The following MAMLD1 variants were observed in gnomAD, a reference collection of about 807,000 sequenced individuals.
MAMLD1 encodes the protein mastermind-like domain-containing protein 1.
MAMLD1 carries 14 observed loss-of-function variants against 45.0 expected under a neutral mutation model. That is an observed-to-expected ratio of 0.31 (90% CI 0.21 to 0.49). The LOEUF is 0.49. Among genes scored for constraint, MAMLD1 ranks in the 20% least tolerant of loss-of-function variants. The probability of loss-of-function intolerance (pLI) is 0.99; values close to 1 mark genes in which losing one functional copy is unlikely to be tolerated. For synonymous variants in MAMLD1, 254 were observed against 247.8 expected (o/e 1.02, Z -0.24); for missense variants, 543 against 603.6 (o/e 0.90, Z 1.05).
At chrX:150,494,890 A>AATAC (rs1557408174) in intron 5 of MAMLD1, among the ~76,000 whole-genome samples, 2 of 103,064 alleles carry the variant, frequency 1.9e-5, no homozygotes, top group Non-Finnish European at 4.0e-5. Context: ...GCCTCAATAC[A>AATAC]AAACAAACAA....
At chrX:150,504,485 G>T in intron 6 of MAMLD1, 1 of 676,467 alleles carries the variant, frequency 1.5e-6, no homozygotes, top group African/African-American at 2.4e-5. Context: ...TCCTTTCAAG[G>T]GCTATTGATT....
At chrX:150,425,783 A>G (rs2034683342) in intron 1 of MAMLD1, among the ~76,000 whole-genome samples, 1 of 112,183 alleles carries the variant, frequency 8.9e-6, no homozygotes, top group African/African-American at 3.2e-5. Flanking sequence ...ACTTCCTGCC[A>G]AGGACCTGGG....
At chrX:150,491,227 TAACACTGGTTG>T (rs2037176957) in intron 5 of MAMLD1, among the ~76,000 whole-genome samples, 1 of 111,600 alleles carries the variant, frequency 9.0e-6, no homozygotes, top group Non-Finnish European at 1.9e-5. Context: ...CTTAGAGAGG[TAACACTGGTTG>T]TCTGAGGTCA....
intron 2 of MAMLD1, among the ~76,000 whole-genome samples, chrX:150,455,762 TTTC>T (rs150166343): frequency 0.38 from 33,868 of 88,106 alleles, 4,866 homozygotes; most frequent in African/African-American, 0.52. Context: ...TGCAGAAGGT[TTTC>T]TTCTTCTTCT....
rs781945416 is a variant in MAMLD1 at position 150,382,364 on chromosome X, C to T, written c.-64+18834C>T. ...CTATGTGTCTATCCCTCTGCCAATA[C>T]CACACAGTCTTGACTAATGTAGCCA... On this transcript the variant is annotated intron_variant, in intron 1 of 7. Transcript: ENST00000370401. Among the ~76,000 whole-genome samples, 4 of 111,788 alleles carry T rather than the reference C, an allele frequency of 3.6e-5. No individual in the cohort carries two copies. In the South Asian group the frequency reaches 1.5e-3, roughly 42 times the overall value.
At chrX:150,500,124 A>G (rs2037508394) in intron 5 of MAMLD1, among the ~76,000 whole-genome samples, 1 of 112,293 alleles carries the variant, frequency 8.9e-6, no homozygotes, top group African/African-American at 3.2e-5. Flanking sequence ...TGGCCCAGCA[A>G]GAATGTTCAG....
intron 1 of MAMLD1, among the ~76,000 whole-genome samples, chrX:150,369,972 C>T: frequency 9.2e-6 from 1 of 108,530 alleles, no homozygotes; most frequent in East Asian, 2.9e-4. Flanking sequence ...AAGAAGGACT[C>T]TTTATCCTCT....
chrX:150,476,369 G>A (rs1557406864), intron 5 of MAMLD1, among the ~76,000 whole-genome samples: 1 of 112,457 alleles, frequency 8.9e-6, no homozygotes, highest in African/African-American at 3.2e-5. Context: ...TCGCGGTTAG[G>A]ACTTACTTCA....
intron 3 of MAMLD1, among the ~76,000 whole-genome samples, chrX:150,465,667 G>A (rs782076831): frequency 8.9e-5 from 10 of 112,365 alleles, no homozygotes; most frequent in East Asian, 2.8e-4. Context: ...GAGTTGGGAC[G>A]TCTGGGGTCC....
intron 1 of MAMLD1, among the ~76,000 whole-genome samples, chrX:150,407,335 A>G (rs1255212239): frequency 1.8e-5 from 2 of 112,333 alleles, no homozygotes; most frequent in Non-Finnish European, 3.8e-5. Flanking sequence ...ATGTGAAATT[A>G]AAATATCTAT....
intron 1 of MAMLD1, among the ~76,000 whole-genome samples, chrX:150,386,314 T>C (rs1281565189): frequency 9.0e-6 from 1 of 111,645 alleles, no homozygotes; most frequent in Admixed American, 9.5e-5. Context: ...GTTCTTTCTA[T>C]TGAGGTTCTC....
intron 5 of MAMLD1, among the ~76,000 whole-genome samples, chrX:150,477,595 G>A (rs1267369003): frequency 1.8e-5 from 2 of 112,016 alleles, no homozygotes; most frequent in African/African-American, 6.5e-5. Context: ...GAGCCGCCAA[G>A]CCAGGCTGTG....
chrX:150,465,085 C>G (rs1170423910), intron 3 of MAMLD1, among the ~76,000 whole-genome samples: 1 of 112,215 alleles, frequency 8.9e-6, no homozygotes, highest in Non-Finnish European at 1.9e-5. Flanking sequence ...CTTTGACCTC[C>G]TATCTTCTTG....
chrX:150,490,718 A>G (rs1487007912), intron 5 of MAMLD1, among the ~76,000 whole-genome samples: 2 of 111,875 alleles, frequency 1.8e-5, no homozygotes, highest in African/African-American at 3.3e-5. Flanking sequence ...ATTGTAGGGA[A>G]ACTGTGGCCA....
intron 5 of MAMLD1, among the ~76,000 whole-genome samples, chrX:150,474,525 T>C (rs2036525579): frequency 8.9e-6 from 1 of 112,441 alleles, no homozygotes; most frequent in Admixed American, 9.4e-5. Context: ...ATCTGTTTCA[T>C]GGGACTAAGA....
intron 3 of MAMLD1, 82 bp from the exon 4 acceptor site, chrX:150,469,653 CTCTGTGTGTG>C (rs1288190513): frequency 1.0e-5 from 5 of 483,058 alleles, no homozygotes; most frequent in Non-Finnish European, 1.7e-5. Flanking sequence ...CTCTCTCTCT[CTCTGTGTGTG>C]TGTGTGTGTG....
chrX:150,485,350 T>G (rs5924736), intron 5 of MAMLD1, among the ~76,000 whole-genome samples: 29,902 of 110,289 alleles, frequency 0.27, 3,528 homozygotes, highest in East Asian at 0.58. Flanking sequence ...GAGAATGAGC[T>G]CTCACAATTG....
intron 1 of MAMLD1, among the ~76,000 whole-genome samples, chrX:150,377,167 C>T (rs1299978033): frequency 8.8e-6 from 1 of 113,303 alleles, no homozygotes; most frequent in African/African-American, 3.2e-5. Flanking sequence ...GGCCTGAAGC[C>T]AGACTGTATG....
At chrX:150,363,599 G>A (rs2124431005) in intron 1 of MAMLD1, 69 bp downstream of exon 1, 1 of 111,847 alleles carries the variant, frequency 8.9e-6, no homozygotes, top group Admixed American at 9.3e-5. Context: ...GTAGCCCCCA[G>A]TTATGGTCCC....
Sources: allele counts gnomAD v4.1 joint callset (sites outside exome capture counted in the v4.1 genomes callset), GRCh38; gene constraint gnomAD v4.1.1; transcripts MANE v1.5; gene names NCBI Gene and HGNC (gene_info 2026-07-23, HGNC 2026-07-21).